The following ROBO1 variants were observed in gnomAD, a reference collection of about 807,000 sequenced individuals.
ROBO1 encodes roundabout guidance receptor 1, also known as roundabout homolog 1.
A neutral mutation model predicts 195.9 loss-of-function variants in ROBO1; 149 were observed. The observed-to-expected ratio is 0.76, with a 90% CI of 0.67 to 0.87. The LOEUF (loss-of-function observed/expected upper bound fraction) is 0.87, where lower values mean the gene tolerates loss of function less well. Among genes scored for constraint, ROBO1 ranks in the 40% least tolerant of loss-of-function variants. ROBO1 has a pLI of 0.00. For synonymous variants in ROBO1, 816 were observed against 733.2 expected, an observed-to-expected ratio of 1.11 and a Z score of -1.82; for missense variants, 1,933 against 2,068.3, an observed-to-expected ratio of 0.93 and a Z score of 1.27.
At chr3:78,954,437 C>T (rs772649117) in intron 3 of ROBO1, among the ~76,000 whole-genome samples, 4 of 151,816 alleles carry the variant, frequency 2.6e-5, no homozygotes, top group Non-Finnish European at 2.9e-5. Context: ...ATTGTGCATC[C>T]GTAACACTCA....
At chr3:78,674,983 C>T (rs1026344182) in intron 10 of ROBO1, among the ~76,000 whole-genome samples, 3 of 151,776 alleles carry the variant, frequency 2.0e-5, no homozygotes, top group Non-Finnish European at 2.9e-5. Context: ...CTGTAATGTA[C>T]TTAAGACATT....
chr3:78,902,959 C>T (rs1182783581), intron 4 of ROBO1, among the ~76,000 whole-genome samples: 1 of 152,144 alleles, frequency 6.6e-6, no homozygotes, highest in Non-Finnish European at 1.5e-5. Context: ...TTTATTTTCA[C>T]ACCTAAGCCA....
In ROBO1 at chr3:78,876,380, C is replaced by G. The variant is rs922664068; in HGVS notation, c.499+62221G>C. On this transcript the variant is annotated intron_variant, in intron 4 of 30. Coordinates refer to ENST00000464233, the MANE Select transcript of ROBO1 (RefSeq NM_002941.4). The stretch of plus-strand genomic sequence containing the variant: ...AATTATATCTTGTTTTTATGAAGAC[C>G]AATTAACTTGATTATGTGTTGTGCT... 2.0e-5 allele frequency among the ~76,000 whole-genome samples: 3 copies of G among 151,958 alleles called. No individual in the cohort carries two copies. The East Asian group carries it at 5.8e-4, about 29-fold the overall frequency.
chr3:79,517,375 G>A (rs1027051217), intron 2 of ROBO1, among the ~76,000 whole-genome samples: 19 of 152,152 alleles, frequency 1.2e-4, no homozygotes, highest in Admixed American at 3.3e-4. Flanking sequence ...TTCCTTGCCG[G>A]TGGCCTTTGG....
At chr3:78,787,935 T>C (rs889766751) in intron 4 of ROBO1, among the ~76,000 whole-genome samples, 18 of 66,284 alleles carry the variant, frequency 2.7e-4, no homozygotes, top group African/African-American at 9.2e-4. Flanking sequence ...TCTTTTTTTT[T>C]TTTTTTTTTT....
At chr3:79,684,415 CCT>C (rs1947039323) in intron 1 of ROBO1, among the ~76,000 whole-genome samples, 1 of 151,834 alleles carries the variant, frequency 6.6e-6, no homozygotes, top group East Asian at 1.9e-4. Flanking sequence ...TTTTTCTTTA[CCT>C]ATATTCTCTA....
At chr3:79,237,490 AAAAT>A (rs2082432923) in intron 2 of ROBO1, among the ~76,000 whole-genome samples, 1 of 151,100 alleles carries the variant, frequency 6.6e-6, no homozygotes, top group Admixed American at 6.6e-5. Flanking sequence ...CAAAAAAAAA[AAAAT>A]AATAATAAAA....
chr3:78,852,902 C>G (rs926451492), intron 4 of ROBO1, among the ~76,000 whole-genome samples: 1 of 152,120 alleles, frequency 6.6e-6, no homozygotes, highest in African/African-American at 2.4e-5. Flanking sequence ...CCAACAGATA[C>G]TATTCACGGT....
chr3:78,840,779 G>A (rs925059755), intron 4 of ROBO1, among the ~76,000 whole-genome samples: 2 of 152,130 alleles, frequency 1.3e-5, no homozygotes, highest in African/African-American at 4.8e-5. Flanking sequence ...GTAAGTTATA[G>A]GCCGAGTGCG....
intron 2 of ROBO1, among the ~76,000 whole-genome samples, chr3:79,414,635 C>T (rs921886273): frequency 2.0e-5 from 3 of 152,046 alleles, no homozygotes; most frequent in African/African-American, 7.2e-5. Flanking sequence ...ATAAAAGCAA[C>T]ACTTTAGTCT....
In ROBO1 at chr3:79,694,061, G is replaced by A. The variant is rs775382139; in HGVS notation, c.-51+73691C>T. Among the ~76,000 whole-genome samples the A allele has an allele frequency of 4.4e-4, 66 of 151,626 alleles. 1 individual carries two copies. Among genetic ancestry groups the A allele is most frequent in the Non-Finnish European group, 3.2e-4 (22 of 67,824 alleles). On this transcript the variant is annotated intron_variant, in intron 1 of 30. Transcript: ENST00000464233. ...GGCCTAATACTGGATTCTGAAATAA[G>A]TAAAATAAGTATTTGAAACAACTTC...
Position 79,421,479 on chromosome 3 carries a change from G to A in ROBO1, c.88+168345C>T, listed in dbSNP as rs191681399. 2.4e-3 allele frequency among the ~76,000 whole-genome samples: 370 copies of A among 152,198 alleles called. 2 individuals carry two copies. Among genetic ancestry groups the A allele is most frequent in the African/African-American group, 7.6e-3 (315 of 41,538 alleles). On this transcript the variant is annotated intron_variant, in intron 2 of 30. Coordinates refer to ENST00000464233, the MANE Select transcript of ROBO1 (RefSeq NM_002941.4). ...GGAATCTGTCATATACTAGTGCAGG[G>A]TGAGAGGCCGTGTGGGGAAGAACCC...
At chr3:79,363,046 G>A (rs2035831504) in intron 2 of ROBO1, among the ~76,000 whole-genome samples, 1 of 152,146 alleles carries the variant, frequency 6.6e-6, no homozygotes, top group African/African-American at 2.4e-5. Context: ...TTCTCAGCCT[G>A]ATGAGGAAAG....
intron 4 of ROBO1, among the ~76,000 whole-genome samples, chr3:78,855,971 C>G (rs2034391258): frequency 6.6e-6 from 1 of 151,166 alleles, no homozygotes; most frequent in African/African-American, 2.4e-5. Context: ...TTTTATTATA[C>G]TAAGAAGAGA....
intron 2 of ROBO1, among the ~76,000 whole-genome samples, chr3:79,183,928 C>A (rs1266147585): frequency 6.6e-6 from 1 of 152,206 alleles, no homozygotes; most frequent in African/African-American, 2.4e-5. Context: ...TCAATAAATA[C>A]ATGCATTTTT....
At chr3:78,637,975 G>GTT (rs369596087) in intron 22 of ROBO1, among the ~76,000 whole-genome samples, 1 of 136,258 alleles carries the variant, frequency 7.3e-6, no homozygotes. Flanking sequence ...GCAATATTGG[G>GTT]TTTTTTTTTG....
intron 1 of ROBO1, among the ~76,000 whole-genome samples, chr3:79,592,660 T>C (rs1452001154): frequency 6.6e-6 from 1 of 152,000 alleles, no homozygotes; most frequent in Non-Finnish European, 1.5e-5. Context: ...TTCCACTCCC[T>C]GCCCTTGCAG....
intron 2 of ROBO1, among the ~76,000 whole-genome samples, chr3:79,317,779 C>T (rs1193373701): frequency 6.6e-6 from 1 of 151,996 alleles, no homozygotes; most frequent in Non-Finnish European, 1.5e-5. Flanking sequence ...TGTTCTTGAA[C>T]AGTTTTAGTC....
chr3:79,062,750 CAT>C (rs2078941963), intron 3 of ROBO1, among the ~76,000 whole-genome samples: 1 of 152,050 alleles, frequency 6.6e-6, no homozygotes, highest in African/African-American at 2.4e-5. Flanking sequence ...CAAAACACCA[CAT>C]GTTCTCACTC....
Sources: allele counts gnomAD v4.1 joint callset (sites outside exome capture counted in the v4.1 genomes callset), GRCh38; gene constraint gnomAD v4.1.1; transcripts MANE v1.5; gene names NCBI Gene and HGNC (gene_info 2026-07-23, HGNC 2026-07-21).